The following RAB7A variants were observed in gnomAD, a reference collection of about 807,000 sequenced individuals.
The protein encoded by RAB7A is RAB7A, member RAS oncogene family.
RAB7A carries 2 observed loss-of-function variants against 24.5 expected under a neutral mutation model. The observed-to-expected ratio is 0.08, with a 90% CI of 0.03 to 0.26. RAB7A has a LOEUF of 0.26. RAB7A is among the 10% of genes least tolerant of loss of function. The pLI is 1.00. For missense variants in RAB7A, 118 were observed against 255.7 expected (o/e 0.46, Z 3.67); for synonymous variants, 100 against 95.9 (o/e 1.04, Z -0.25).
chr3:128,781,606 G>A (rs1396547820), intron 1 of RAB7A, among the ~76,000 whole-genome samples: 5 of 152,168 alleles, frequency 3.3e-5, no homozygotes, highest in East Asian at 1.9e-4. Context: ...GAGCCCCGGC[G>A]GTCGAGGCTG....
chr3:128,742,480 G>A (rs2070564441), intron 1 of RAB7A, among the ~76,000 whole-genome samples: 2 of 152,182 alleles, frequency 1.3e-5, no homozygotes, highest in Non-Finnish European at 2.9e-5. Context: ...ACAGAGAGCT[G>A]ATTGGTCTGT....
chr3:128,801,576 A>G (rs759386542), intron 3 of RAB7A, among the ~76,000 whole-genome samples: 3 of 152,240 alleles, frequency 2.0e-5, no homozygotes, highest in East Asian at 1.9e-4. Flanking sequence ...ATGAAGCACA[A>G]TCAATGAAAT....
chr3:128,758,443 T>C (rs938073274), intron 1 of RAB7A, among the ~76,000 whole-genome samples: 1 of 151,708 alleles, frequency 6.6e-6, no homozygotes, highest in African/African-American at 2.4e-5. Flanking sequence ...CAGCTAATTT[T>C]TTTTTGTATT....
intron 1 of RAB7A, among the ~76,000 whole-genome samples, chr3:128,781,139 G>A (rs867943754): frequency 5.3e-5 from 8 of 152,344 alleles, no homozygotes; most frequent in Middle Eastern, 6.8e-3. Context: ...ACTCATGTCT[G>A]CATTGACATG....
intron 5 of RAB7A, among the ~76,000 whole-genome samples, chr3:128,812,705 A>G (rs1346651622): frequency 6.6e-6 from 1 of 152,236 alleles, no homozygotes; most frequent in African/African-American, 2.4e-5. Context: ...GATGGTGATA[A>G]AATTCATTCA....
intron 1 of RAB7A, among the ~76,000 whole-genome samples, chr3:128,732,509 C>A (rs1187311908): frequency 6.6e-6 from 1 of 152,090 alleles, no homozygotes; most frequent in East Asian, 1.9e-4. Context: ...TGTATACTTT[C>A]ATACCTTCCT....
rs1385419400 is a variant in RAB7A at position 128,806,137 on chromosome 3, C to T, written c.181-235C>T. On this transcript the variant is annotated intron_variant, in intron 3 of 5. Coordinates refer to ENST00000265062, the MANE Select transcript of RAB7A (RefSeq NM_004637.6). ...ATCAAGATATAAGAAATTTCTAGCA[C>T]CCTGGAGATTGGACTCAATGTCACT... is the stretch of plus-strand genomic sequence containing the variant. 2.0e-5 allele frequency among the ~76,000 whole-genome samples: 3 copies of T among 152,182 alleles called. No homozygotes were observed. The East Asian group carries it at 5.8e-4, about 29-fold the overall frequency.
intron 1 of RAB7A, among the ~76,000 whole-genome samples, chr3:128,732,323 C>G (rs560953929): frequency 5.7e-4 from 87 of 151,938 alleles, no homozygotes; most frequent in African/African-American, 1.9e-3. Flanking sequence ...CAGGCGTGAA[C>G]CACCACGCCT....
At chr3:128,740,755 T>C (rs538340829) in intron 1 of RAB7A, among the ~76,000 whole-genome samples, 2 of 147,842 alleles carry the variant, frequency 1.4e-5, no homozygotes, top group Non-Finnish European at 3.0e-5. Context: ...AAAAAAAAAA[T>C]AGCTGGGTGT....
chr3:128,742,309 G>C (rs1229767389), intron 1 of RAB7A, among the ~76,000 whole-genome samples: 4 of 152,176 alleles, frequency 2.6e-5, no homozygotes, highest in African/African-American at 9.7e-5. Context: ...AGGCAGTGCA[G>C]ACCCAAAGAG....
At chr3:128,754,851 AACACAC>A (rs1293143444) in intron 1 of RAB7A, among the ~76,000 whole-genome samples, 1 of 152,216 alleles carries the variant, frequency 6.6e-6, no homozygotes, top group Non-Finnish European at 1.5e-5. Context: ...AAAAAGACAA[AACACAC>A]TAATAACAGA....
At chr3:128,726,654 A>G (rs1206870213) in intron 1 of RAB7A, among the ~76,000 whole-genome samples, 1 of 152,076 alleles carries the variant, frequency 6.6e-6, no homozygotes, top group Non-Finnish European at 1.5e-5. Flanking sequence ...GGGTTCCTTG[A>G]CTTGGGCGGC....
In RAB7A at chr3:128,772,326, T is replaced by A. The variant is rs113268156; in HGVS notation, c.-8-23034T>A. Among the ~76,000 whole-genome samples the A allele has an allele frequency of 6.6e-3, 1,010 of 152,364 alleles. 12 individuals are homozygous for A. The highest frequency in any genetic ancestry group is 0.023 in the African/African-American group (936 of 41,586). ...TGTTCCAAAGCTTAGAGTATAAATC[T>A]AAATATTGCAGTTTCCCATTGGAAA... On this transcript the variant is annotated intron_variant, in intron 1 of 5. Coordinates refer to ENST00000265062, the MANE Select transcript of RAB7A (RefSeq NM_004637.6).
intron 1 of RAB7A, among the ~76,000 whole-genome samples, chr3:128,735,904 T>C (rs559193427): frequency 1.3e-5 from 2 of 152,364 alleles, no homozygotes; most frequent in South Asian, 4.1e-4. Flanking sequence ...GACTAAACTT[T>C]TGGCTTAGTA....
Position 128,813,642 on chromosome 3 carries a change from G to T in RAB7A, c.*220G>T. The stretch of plus-strand genomic sequence containing the variant: ...ACAGATCTGACGTAATCAAACTCCA[G>T]CCCTTGCCCGTGATGGCTCCTTGGG... On this transcript the variant is annotated 3_prime_UTR_variant, in exon 6 of 6. Transcript: ENST00000265062. The T allele has an allele frequency of 3.4e-6, 2 of 580,112 alleles. No homozygotes were observed. The highest frequency in any genetic ancestry group is 2.4e-5 in the Admixed American group (1 of 40,952). The allele number at this position is 580,112 out of a possible 1,614,324, so 35.9% of individuals were successfully genotyped here. A position where few individuals can be genotyped will look rare whatever the true frequency, so the allele number is the denominator to read the frequency against.
chr3:128,765,022 G>T, intron 1 of RAB7A: 1 of 1,520,562 alleles, frequency 6.6e-7, no homozygotes, highest in Non-Finnish European at 9.0e-7. Context: ...TGTCATGGCA[G>T]CAACTAAGGA....
intron 1 of RAB7A, among the ~76,000 whole-genome samples, chr3:128,787,723 C>G (rs1933370511): frequency 6.6e-6 from 1 of 152,154 alleles, no homozygotes; most frequent in Non-Finnish European, 1.5e-5. Context: ...TGTTTGTCTG[C>G]TTTTTGAGAC....
intron 1 of RAB7A, among the ~76,000 whole-genome samples, chr3:128,794,887 G>A (rs1933533409): frequency 6.6e-6 from 1 of 151,978 alleles, no homozygotes; most frequent in Non-Finnish European, 1.5e-5. Context: ...GATTAATATA[G>A]TACATAAAAA....
At chr3:128,804,250 A>T (rs1192611463) in intron 3 of RAB7A, among the ~76,000 whole-genome samples, 1 of 152,186 alleles carries the variant, frequency 6.6e-6, no homozygotes, top group Non-Finnish European at 1.5e-5. Context: ...CTGAAGAAGC[A>T]TGTTTAGCCA....
Sources: gnomAD v4.1 joint callset for allele counts (sites outside exome capture counted in the v4.1 genomes callset) on GRCh38, gnomAD v4.1.1 for gene constraint, MANE v1.5 for transcripts, NCBI Gene and HGNC (gene_info 2026-07-23, HGNC 2026-07-21) for gene names.